ADAMTS20: variants seen among roughly 807,000 people sequenced by gnomAD.
The protein encoded by ADAMTS20 is ADAM metallopeptidase with thrombospondin type 1 motif 20.
ADAMTS20 carries 225 observed loss-of-function variants against 260.1 expected under a neutral mutation model. The observed-to-expected ratio is 0.87, with a 90% confidence interval of 0.78 to 0.97. ADAMTS20 has a LOEUF of 0.97. ADAMTS20 is among the 50% of genes least tolerant of loss of function. The pLI, the probability that ADAMTS20 is intolerant of heterozygous loss-of-function variation, is 0.00. For synonymous variants in ADAMTS20, 802 were observed against 769.5 expected (o/e 1.04, Z -0.70); for missense variants, 2,400 against 2,337.7 (o/e 1.03, Z -0.55).
In ADAMTS20 at chr12:43,432,668, G is replaced by T. The variant is rs749210709; in HGVS notation, c.2864C>A (p.Pro955His). Reference sequence around the variant, plus strand: ...ACCATGGCATAGTTCTTGGGTAGGAGGTTTAAGCTGGTCACCACAGTAGTG... The same window carrying T: ...ACCATGGCATAGTTCTTGGGTAGGATGTTTAAGCTGGTCACCACAGTAGTG... ...DDHYCGDQLK[P>H]PTQELCHGNC... is the part of the protein sequence containing the mutation. Residue 955 changes from proline (P) to histidine (H), a missense_variant, in exon 20 of 39, where the codon CCT becomes CAT. By Grantham distance (77) the Pro-to-His change is moderately conservative (BLOSUM62 -2). Transcript: ENST00000389420. 1 of 1,613,906 alleles carries T rather than the reference G, an allele frequency of 6.2e-7. No homozygotes were observed. Among genetic ancestry groups the T allele is most frequent in the South Asian group, 1.1e-5 (1 of 91,074 alleles).
At chr12:43,476,924 A>G (rs1942363917) in intron 7 of ADAMTS20, among the ~76,000 whole-genome samples, 1 of 150,812 alleles carries the variant, frequency 6.6e-6, no homozygotes, top group South Asian at 2.1e-4. Flanking sequence ...GCAGCACACC[A>G]GCATGGCACA....
rs139273793 is a variant in ADAMTS20, at chr12:43,492,456, G to A, written c.1076+49C>T. 5 of 1,583,374 alleles carry A rather than the reference G, an allele frequency of 3.2e-6. No homozygotes were observed. In the African/African-American group the frequency reaches 5.4e-5, roughly 17 times the overall value. On this transcript the variant is annotated intron_variant, in intron 6 of 38. Coordinates refer to ENST00000389420, the MANE Select transcript of ADAMTS20 (RefSeq NM_025003.5). ...TTAAGAAGAAGTATCAGTCATGCAG[G>A]AGGGAAGAGTAAAGGATTGTATGGG...
rs369579699 is a variant in ADAMTS20, at chr12:43,452,412, T to C, written c.1943-2A>G. 2 of 1,606,180 alleles carry C rather than the reference T, an allele frequency of 1.2e-6. No homozygotes were observed. The highest frequency in any genetic ancestry group is 2.7e-5 in the African/African-American group (2 of 74,364). Reference sequence around the variant, plus strand: ...GTTTACAACGATCCTTTGTGCCAACTGTAAAAAAGAAAAAGGTCAAATTTT... The same window carrying C: ...GTTTACAACGATCCTTTGTGCCAACCGTAAAAAAGAAAAAGGTCAAATTTT... On this transcript the variant is annotated splice_acceptor_variant, in intron 13 of 38. Coordinates refer to ENST00000389420, the MANE Select transcript of ADAMTS20 (RefSeq NM_025003.5). LOFTEE classifies it high-confidence loss of function.
At chr12:43,536,713 G>C (rs1458430513) in intron 2 of ADAMTS20, among the ~76,000 whole-genome samples, 2 of 152,228 alleles carry the variant, frequency 1.3e-5, no homozygotes, top group Non-Finnish European at 2.9e-5. Flanking sequence ...AGAGAGAACA[G>C]TGAGGCTGCA....
chr12:43,499,553 A>T (rs1297527848), intron 4 of ADAMTS20, among the ~76,000 whole-genome samples: 1 of 143,662 alleles, frequency 7.0e-6, no homozygotes, highest in African/African-American at 2.6e-5. Context: ...CAGTGGCACG[A>T]TCTCGGCTGG....
chr12:43,481,277 A>C (rs1041918876), intron 7 of ADAMTS20, among the ~76,000 whole-genome samples: 1 of 152,164 alleles, frequency 6.6e-6, no homozygotes, highest in African/African-American at 2.4e-5. Context: ...GTTAAGATGA[A>C]ATAATCATAT....
intron 12 of ADAMTS20, 99 bp downstream of exon 12, chr12:43,453,808 T>C (rs967145379): frequency 2.2e-6 from 3 of 1,387,082 alleles, no homozygotes; most frequent in Non-Finnish European, 2.0e-6. Flanking sequence ...TCTCAGAAAC[T>C]TACGGACTGA....
intron 4 of ADAMTS20, 82 bp from the exon 5 acceptor site, chr12:43,493,335 C>A: frequency 1.0e-6 from 1 of 999,210 alleles, no homozygotes; most frequent in South Asian, 1.5e-5. Flanking sequence ...CACAGAGTAT[C>A]AATTCTCTAA....
chr12:43,403,032 T>C (rs193254124), intron 28 of ADAMTS20, among the ~76,000 whole-genome samples: 2 of 152,220 alleles, frequency 1.3e-5, no homozygotes, highest in Admixed American at 6.5e-5. Context: ...TTGAAACAAA[T>C]GCAAAATTTG....
intron 28 of ADAMTS20, among the ~76,000 whole-genome samples, chr12:43,402,759 T>C (rs1421848213): frequency 6.6e-6 from 1 of 152,106 alleles, no homozygotes; most frequent in Admixed American, 6.5e-5. Flanking sequence ...ACCATCATAG[T>C]CTTGAAGTTT....
chr12:43,506,663 A>G (rs76322818), intron 3 of ADAMTS20, among the ~76,000 whole-genome samples: 13,835 of 151,884 alleles, frequency 0.091, 787 homozygotes, highest in Admixed American at 0.19. Context: ...TATTTTTAGT[A>G]GAGATAGGAT....
rs755158379 is a variant in ADAMTS20 at position 43,443,823 on chromosome 12, C to T, written c.2258G>A (p.Ser753Asn). 2.5e-6 allele frequency: 4 copies of T among 1,612,956 alleles called. No homozygotes were observed. In the South Asian group the frequency reaches 4.4e-5, roughly 18 times the overall value. Residue 753 changes from serine to asparagine, a missense_variant, in exon 16 of 39, where the codon AGC (serine) becomes AAC (asparagine). Physicochemically the swap from Ser to Asn is conservative, Grantham distance 46. Coordinates refer to ENST00000389420, the MANE Select transcript of ADAMTS20 (RefSeq NM_025003.5). ...GATNVDIRQY[S>N]YSGQPDDSYL... is the part of the protein sequence containing the mutation. ...ACTGTCATCTGGTTGTCCAGAATAG[C>T]TGTACTGACGAATGTCAACGTTTGT...
rs142604449 is a variant in ADAMTS20, at chr12:43,441,042, G to C, written c.2291-973C>G. On this transcript the variant is annotated intron_variant, in intron 16 of 38. Coordinates refer to ENST00000389420, the MANE Select transcript of ADAMTS20 (RefSeq NM_025003.5). ...ATAGCGCCACTGCACTCCAGCATGGGAGATTGAGGGAGACTCCGTCTCCAA... is the reference window on the plus strand; with the variant it reads ...ATAGCGCCACTGCACTCCAGCATGGCAGATTGAGGGAGACTCCGTCTCCAA... Among the ~76,000 whole-genome samples, 265 of 148,206 alleles carry C rather than the reference G, an allele frequency of 1.8e-3. 1 individual carries two copies. The highest frequency in any genetic ancestry group is 3.2e-3 in the Non-Finnish European group (217 of 67,478).
intron 29 of ADAMTS20, among the ~76,000 whole-genome samples, chr12:43,393,084 A>G (rs1023457372): frequency 5.9e-5 from 9 of 152,004 alleles, no homozygotes; most frequent in South Asian, 2.1e-4. Flanking sequence ...TAACATTTCC[A>G]TAGCAGAACT....
chr12:43,417,037 A>T (rs1296199069), intron 28 of ADAMTS20, among the ~76,000 whole-genome samples: 1 of 152,150 alleles, frequency 6.6e-6, no homozygotes, highest in Non-Finnish European at 1.5e-5. Context: ...ATGTATATTT[A>T]ATTTTTCCTA....
intron 11 of ADAMTS20, among the ~76,000 whole-genome samples, chr12:43,460,479 C>T (rs1394005631): frequency 6.6e-6 from 1 of 152,088 alleles, no homozygotes; most frequent in African/African-American, 2.4e-5. Context: ...TGGAACTTTA[C>T]TCCATTGCTG....
At chr12:43,377,876 T>C (rs1022672554) in intron 31 of ADAMTS20, among the ~76,000 whole-genome samples, 1 of 152,064 alleles carries the variant, frequency 6.6e-6, no homozygotes, top group African/African-American at 2.4e-5. Context: ...AGGCACAGCA[T>C]TGGAGGAATA....
chr12:43,424,891 A>G (rs879820427), intron 28 of ADAMTS20, among the ~76,000 whole-genome samples: 2 of 152,084 alleles, frequency 1.3e-5, no homozygotes, highest in Admixed American at 1.3e-4. Context: ...CTTCCAAACT[A>G]TCAAATTTCA....
chr12:43,420,860 T>G (rs2137287797), intron 28 of ADAMTS20, among the ~76,000 whole-genome samples: 1 of 140,248 alleles, frequency 7.1e-6, no homozygotes. Flanking sequence ...CAGGCTGGAA[T>G]GCAGTGGCAC....
Sources: allele counts gnomAD v4.1 joint callset (sites outside exome capture counted in the v4.1 genomes callset), GRCh38; gene constraint gnomAD v4.1.1; transcripts MANE v1.5; gene names NCBI Gene and HGNC (gene_info 2026-07-23, HGNC 2026-07-21).